ARAP2: variants seen among roughly 807,000 people sequenced by gnomAD.
ARAP2 encodes ArfGAP with RhoGAP domain, ankyrin repeat and PH domain 2, also known as arf-GAP with Rho-GAP domain, ANK repeat and PH domain-containing protein 2.
ARAP2 carries 148 observed loss-of-function variants against 194.5 expected under a neutral mutation model. The observed-to-expected ratio is 0.76, with a 90% CI of 0.67 to 0.87. The LOEUF (loss-of-function observed/expected upper bound fraction) is 0.87. Among genes scored for constraint, ARAP2 ranks in the 40% least tolerant of loss-of-function variants. The pLI is 0.00. For synonymous variants in ARAP2, 695 were observed against 683.5 expected, an observed-to-expected ratio of 1.02 and a Z score of -0.26; for missense variants, 2,128 against 1,989.7, an observed-to-expected ratio of 1.07 and a Z score of -1.32.
chr4:36,041,605 G>T (rs1422066843), intron 5 of ARAP2, among the ~76,000 whole-genome samples: 1 of 152,110 alleles, frequency 6.6e-6, no homozygotes, highest in Non-Finnish European at 1.5e-5. Flanking sequence ...TTCAACCATT[G>T]CAGAAAGTAG....
At chr4:36,106,431 T>C (rs1718431213) in intron 27 of ARAP2, among the ~76,000 whole-genome samples, 1 of 151,934 alleles carries the variant, frequency 6.6e-6, no homozygotes, top group Non-Finnish European at 1.5e-5. Flanking sequence ...GTTATACTAC[T>C]TGCATTTTGT....
chr4:36,236,268 C>T lies in ARAP2; in HGVS notation c.-159-6623G>A, dbSNP rs562745124. ...GCCACTATAGTAAGCCCCTCCCAAA[C>T]TCCCTCCCCATTACCCATTACCAGT... is the stretch of plus-strand genomic sequence containing the variant. On this transcript the variant is annotated intron_variant, in intron 1 of 32. Transcript: ENST00000303965. 3.0e-4 allele frequency among the ~76,000 whole-genome samples: 46 copies of T among 151,950 alleles called. 1 individual carries two copies. The highest frequency in any genetic ancestry group is 2.4e-3 in the Admixed American group (37 of 15,266).
At position 36,159,513 on chromosome 4, in the gene ARAP2, T is replaced by C. The variant is rs776201796; in HGVS notation, c.2443-8A>G. The C allele has an allele frequency of 2.0e-6, 3 of 1,503,216 alleles. No individual in the cohort carries two copies. The highest frequency in any genetic ancestry group is 2.1e-5 in the Admixed American group (1 of 47,884). The allele number at this position is 1,503,216 out of a possible 1,614,324, so 93.1% of individuals were successfully genotyped here. On this transcript the variant is annotated splice_polypyrimidine_tract_variant and splice_region_variant and intron_variant, in intron 13 of 32. Transcript: ENST00000303965. ...TACAGCAGCACATAGAGCCTGGTCATTAAAAGAAAATATACATCTTAAGGA... is the reference window on the plus strand; with the variant it reads ...TACAGCAGCACATAGAGCCTGGTCACTAAAAGAAAATATACATCTTAAGGA...
At chr4:36,050,510 C>G (rs1443831436) in intron 3 of ARAP2, among the ~76,000 whole-genome samples, 2 of 152,200 alleles carry the variant, frequency 1.3e-5, no homozygotes, top group African/African-American at 2.4e-5. Flanking sequence ...GTTGTTTCAT[C>G]CTGGAATTCT....
intron 27 of ARAP2, among the ~76,000 whole-genome samples, chr4:36,093,190 A>T (rs547078161): frequency 6.6e-6 from 1 of 152,084 alleles, no homozygotes; most frequent in South Asian, 2.1e-4. Flanking sequence ...AACAACACAC[A>T]CTGGGGCCTA....
chr4:36,153,549 G>A (rs1028317554), intron 15 of ARAP2, among the ~76,000 whole-genome samples: 1 of 152,128 alleles, frequency 6.6e-6, no homozygotes, highest in African/African-American at 2.4e-5. Context: ...TAAAGTTAGT[G>A]GATTGGCAAG....
At chr4:36,073,937 T>G in intron 31 of ARAP2, 114 bp from the exon 32 acceptor site, 1 of 1,309,384 alleles carries the variant, frequency 7.6e-7, no homozygotes. Flanking sequence ...CTGATTTCCA[T>G]GAGAATTCCA....
rs184823083 is a variant in ARAP2 at position 36,185,130 on chromosome 4, G to T, written c.1678+2321C>A. 9.9e-5 allele frequency among the ~76,000 whole-genome samples: 15 copies of T among 152,250 alleles called. No homozygotes were observed. In the East Asian group the frequency reaches 2.9e-3, roughly 29 times the overall value. The stretch of plus-strand genomic sequence containing the variant: ...CACTGAGTGTGAATGAATGAGAAAT[G>T]AATGAATGACAATGGTTGTTATCTA... On this transcript the variant is annotated intron_variant, in intron 8 of 32. Coordinates refer to ENST00000303965, the MANE Select transcript of ARAP2 (RefSeq NM_015230.4).
At chr4:36,121,682 A>G (rs1190760249) in intron 22 of ARAP2, among the ~76,000 whole-genome samples, 1 of 151,620 alleles carries the variant, frequency 6.6e-6, no homozygotes, top group African/African-American at 2.4e-5. Context: ...GCTGCAGCAT[A>G]GGAGGAGGAA....
intron 9 of ARAP2, among the ~76,000 whole-genome samples, chr4:36,174,079 T>C (rs1467138389): frequency 6.6e-6 from 1 of 152,206 alleles, no homozygotes; most frequent in Non-Finnish European, 1.5e-5. Context: ...GCAGAGATCT[T>C]GTGGGTTACC....
At chr4:36,126,458 C>T (rs999745700) in intron 21 of ARAP2, among the ~76,000 whole-genome samples, 2 of 151,964 alleles carry the variant, frequency 1.3e-5, no homozygotes, top group African/African-American at 4.8e-5. Flanking sequence ...TATAAGTTAA[C>T]AGTCCTCCTA....
At chr4:36,064,598 G>C (rs1322286566), downstream of ARAP2, among the ~76,000 whole-genome samples, 1 of 152,230 alleles carries the variant, frequency 6.6e-6, no homozygotes, top group Non-Finnish European at 1.5e-5. Flanking sequence ...TGCTCTGGCT[G>C]TGGGTGTACT....
chr4:36,140,175 C>CACACACACACACACAT lies in ARAP2; in HGVS notation c.3264-6787_3264-6786insATGTGTGTGTGTGTGT, dbSNP rs1283506325. On this transcript the variant is annotated intron_variant, in intron 19 of 32. Coordinates refer to ENST00000303965, the MANE Select transcript of ARAP2 (RefSeq NM_015230.4). ...ACACACACACACACACACACACACA[C>CACACACACACACACAT]ATCTTAGAGGGATTTGCTCATTCTT... Among the ~76,000 whole-genome samples, 8 of 150,300 alleles carry CACACACACACACACAT rather than the reference C, an allele frequency of 5.3e-5. No homozygotes were observed. In the East Asian group the frequency reaches 9.8e-4, roughly 18 times the overall value.
chr4:36,141,547 T>C (rs1303503088), intron 19 of ARAP2, among the ~76,000 whole-genome samples: 2 of 151,690 alleles, frequency 1.3e-5, no homozygotes, highest in East Asian at 3.9e-4. Flanking sequence ...TCTATCTAAA[T>C]AGTGACTATA....
At chr4:36,173,652 G>A (rs1343853386) in intron 9 of ARAP2, among the ~76,000 whole-genome samples, 3 of 151,502 alleles carry the variant, frequency 2.0e-5, no homozygotes, top group Non-Finnish European at 4.4e-5. Context: ...AAGATGAAGA[G>A]ACAATTTGAG....
rs570321737 is a variant in ARAP2, at chr4:36,240,802, T to C, written c.-160+3377A>G. On this transcript the variant is annotated intron_variant, in intron 1 of 32. Coordinates refer to ENST00000303965, the MANE Select transcript of ARAP2 (RefSeq NM_015230.4). ...TAAGCTATGTTTTGATTATTTTACTTATAGCACAATCTGAAAAACACAATA... is the reference window on the plus strand; with the variant it reads ...TAAGCTATGTTTTGATTATTTTACTCATAGCACAATCTGAAAAACACAATA... 5.3e-5 allele frequency among the ~76,000 whole-genome samples: 8 copies of C among 152,298 alleles called. No homozygotes were observed. The East Asian group carries it at 1.5e-3, about 29-fold the overall frequency.
At chr4:36,239,026 T>C (rs1274754117) in intron 1 of ARAP2, among the ~76,000 whole-genome samples, 2 of 152,040 alleles carry the variant, frequency 1.3e-5, no homozygotes, top group Non-Finnish European at 2.9e-5. Context: ...GTAATCCCCA[T>C]ACACTTTGGG....
rs1725764838 is a variant in ARAP2 at position 36,067,545 on chromosome 4, A to C, written c.*362T>G. The C allele has an allele frequency of 6.2e-6, 1 of 160,042 alleles. No individual in the cohort carries two copies. Among genetic ancestry groups the C allele is most frequent in the South Asian group, 2.0e-4 (1 of 4,934 alleles). The allele number at this position is 160,042 out of a possible 1,614,324, so 9.9% of individuals were successfully genotyped here. A position where few individuals can be genotyped will look rare whatever the true frequency, so the allele number is the denominator to read the frequency against. On this transcript the variant is annotated 3_prime_UTR_variant, in exon 33 of 33. Coordinates refer to ENST00000303965, the MANE Select transcript of ARAP2 (RefSeq NM_015230.4). ...CAAAATATGTTACAGATAGTTTCTT[A>C]GGCTTCATTTAAACACAGCATTTTA...
chr4:36,073,600 C>A, intron 32 of ARAP2, 89 bp downstream of exon 32: 1 of 1,415,678 alleles, frequency 7.1e-7, no homozygotes, highest in Non-Finnish European at 9.6e-7. Flanking sequence ...GCTTTTGAAG[C>A]CAATGAAGTA....
Sources: allele counts gnomAD v4.1 joint callset (sites outside exome capture counted in the v4.1 genomes callset), GRCh38; gene constraint gnomAD v4.1.1; transcripts MANE v1.5; gene names NCBI Gene and HGNC (gene_info 2026-07-23, HGNC 2026-07-21).